The following NRG1 variants were observed in gnomAD, a reference collection of about 807,000 sequenced individuals.
NRG1 encodes the protein pro-neuregulin-1, membrane-bound isoform.
A neutral mutation model predicts 63.8 loss-of-function variants in NRG1; 18 were observed. The observed-to-expected ratio is 0.28, with a 90% CI of 0.19 to 0.42. The LOEUF (loss-of-function observed/expected upper bound fraction) is 0.42. NRG1 is among the 10% of genes least tolerant of loss of function. The probability of loss-of-function intolerance (pLI) is 1.00; values close to 1 mark genes in which losing one functional copy is unlikely to be tolerated. For synonymous variants in NRG1, 302 were observed against 301.3 expected (o/e 1.00, Z -0.02); for missense variants, 762 against 814.7 (o/e 0.94, Z 0.79).
intron 1 of NRG1, among the ~76,000 whole-genome samples, chr8:32,498,879 T>C (rs1827530224): frequency 6.6e-6 from 1 of 152,218 alleles, no homozygotes; most frequent in Non-Finnish European, 1.5e-5. Flanking sequence ...CCTGCATCCA[T>C]TGATTATCAA....
chr8:32,506,920 A>G (rs551645972), intron 1 of NRG1, among the ~76,000 whole-genome samples: 167 of 152,274 alleles, frequency 1.1e-3, no homozygotes, highest in Non-Finnish European at 1.9e-3. Flanking sequence ...TCAAGGGTGT[A>G]CAATCTCCTA....
intron 1 of NRG1, among the ~76,000 whole-genome samples, chr8:31,865,767 G>A (rs1486539242): frequency 1.2e-4 from 18 of 152,120 alleles, no homozygotes. Context: ...AAATTACCCA[G>A]TCTCAGGTAT....
chr8:32,242,958 G>T lies in NRG1; in HGVS notation c.38-352870G>T, dbSNP rs115279503. Reference sequence around the variant, plus strand: ...TGTTTCACAGTTCTGGCGTCAAAAAGTCCAAAATCACAGTGTTGGCAGCTT... The same window carrying T: ...TGTTTCACAGTTCTGGCGTCAAAAATTCCAAAATCACAGTGTTGGCAGCTT... On this transcript the variant is annotated intron_variant, in intron 1 of 10. Transcript: ENST00000519301. Among the ~76,000 whole-genome samples the T allele has an allele frequency of 7.2e-3, 1,095 of 152,230 alleles. 14 individuals are homozygous for T. Among genetic ancestry groups the T allele is most frequent in the African/African-American group, 0.025 (1,033 of 41,538 alleles).
At chr8:32,535,874 C>A (rs1831915145) in intron 1 of NRG1, among the ~76,000 whole-genome samples, 1 of 152,116 alleles carries the variant, frequency 6.6e-6, no homozygotes, top group Non-Finnish European at 1.5e-5. Context: ...AAAGTGAGGT[C>A]TGGGAAAGTA....
intron 1 of NRG1, among the ~76,000 whole-genome samples, chr8:31,685,874 T>G (rs558124100): frequency 1.3e-5 from 2 of 152,302 alleles, no homozygotes; most frequent in East Asian, 3.9e-4. Flanking sequence ...TATTGATATA[T>G]CATGTTGGTC....
chr8:32,581,627 A>G (rs1038464247), intron 1 of NRG1, among the ~76,000 whole-genome samples: 8 of 152,222 alleles, frequency 5.3e-5, no homozygotes, highest in Non-Finnish European at 1.2e-4. Context: ...AAATGGAATA[A>G]TAATGGTTTT....
At chr8:31,768,326 C>T (rs1018489038) in intron 1 of NRG1, among the ~76,000 whole-genome samples, 1 of 152,170 alleles carries the variant, frequency 6.6e-6, no homozygotes, top group Non-Finnish European at 1.5e-5. Context: ...TAGAGTGAAG[C>T]AGACCTGCAG....
At chr8:32,511,639 A>C (rs1344784408) in intron 1 of NRG1, among the ~76,000 whole-genome samples, 1 of 152,036 alleles carries the variant, frequency 6.6e-6, no homozygotes, top group African/African-American at 2.4e-5. Flanking sequence ...GGCTTTGAGC[A>C]CTTTTTCAAA....
chr8:32,430,134 T>C (rs2129486685), intron 1 of NRG1, among the ~76,000 whole-genome samples: 1 of 152,300 alleles, frequency 6.6e-6, no homozygotes, highest in African/African-American at 2.4e-5. Context: ...CTATTATTGC[T>C]GGTGGATTTT....
intron 1 of NRG1, among the ~76,000 whole-genome samples, chr8:32,272,295 T>A (rs1851629043): frequency 6.6e-6 from 1 of 152,126 alleles, no homozygotes; most frequent in African/African-American, 2.4e-5. Context: ...GAGTGAGCCC[T>A]GGCATCTTCC....
chr8:32,093,877 G>A (rs909479920), intron 1 of NRG1, among the ~76,000 whole-genome samples: 8 of 152,122 alleles, frequency 5.3e-5, no homozygotes, highest in African/African-American at 1.7e-4. Flanking sequence ...TCAAGATGTG[G>A]ATGTACCTCT....
At chr8:31,923,162 A>G (rs1563571809) in intron 1 of NRG1, among the ~76,000 whole-genome samples, 1 of 152,172 alleles carries the variant, frequency 6.6e-6, no homozygotes, top group Non-Finnish European at 1.5e-5. Context: ...TATGTTAAAA[A>G]ACAGTTTTTT....
chr8:31,677,283 T>C (rs1807806694), intron 1 of NRG1, among the ~76,000 whole-genome samples: 1 of 151,778 alleles, frequency 6.6e-6, no homozygotes, highest in Non-Finnish European at 1.5e-5. Context: ...TAAATAAACA[T>C]TATATCCTGT....
intron 1 of NRG1, among the ~76,000 whole-genome samples, chr8:31,907,088 G>A (rs1303052928): frequency 6.6e-6 from 1 of 152,116 alleles, no homozygotes; most frequent in African/African-American, 2.4e-5. Flanking sequence ...GGGGCCCACT[G>A]ACTGTAAGGG....
At chr8:32,249,698 C>T (rs1848906943) in intron 1 of NRG1, among the ~76,000 whole-genome samples, 2 of 152,024 alleles carry the variant, frequency 1.3e-5, no homozygotes, top group African/African-American at 2.4e-5. Context: ...ATTCATAGTT[C>T]CTTGGACCAG....
intron 1 of NRG1, among the ~76,000 whole-genome samples, chr8:31,705,038 T>C (rs1175950143): frequency 6.6e-6 from 1 of 151,864 alleles, no homozygotes; most frequent in African/African-American, 2.4e-5. Flanking sequence ...TTTTTTGTTT[T>C]GTTTTGTTTT....
At chr8:32,708,280 T>C (rs1215350630) in intron 5 of NRG1, among the ~76,000 whole-genome samples, 1 of 152,180 alleles carries the variant, frequency 6.6e-6, no homozygotes, top group Non-Finnish European at 1.5e-5. Context: ...GTCTTATCTC[T>C]AATGGAATCA....
intron 1 of NRG1, among the ~76,000 whole-genome samples, chr8:31,865,406 A>AG (rs1828863896): frequency 6.6e-6 from 1 of 152,114 alleles, no homozygotes; most frequent in African/African-American, 2.4e-5. Flanking sequence ...AGTGTTCTGA[A>AG]GTTTCTCTGA....
chr8:31,963,693 G>A (rs1805846998), intron 1 of NRG1, among the ~76,000 whole-genome samples: 2 of 152,082 alleles, frequency 1.3e-5, no homozygotes, highest in South Asian at 4.1e-4. Flanking sequence ...CCTCACAGGT[G>A]TTATACTTGT....
Sources: gnomAD v4.1 joint callset for allele counts (sites outside exome capture counted in the v4.1 genomes callset) on GRCh38, gnomAD v4.1.1 for gene constraint, MANE v1.5 for transcripts, NCBI Gene and HGNC (gene_info 2026-07-23, HGNC 2026-07-21) for gene names.